Variants in KHDRBS3 observed in about 807,000 individuals in gnomAD.
The protein encoded by KHDRBS3 is KH RNA binding domain containing, signal transduction associated 3.
In KHDRBS3, 23 loss-of-function variants were observed where a neutral mutation model predicts 45.6. The ratio of observed to expected loss-of-function variants is 0.50; its 90% CI spans 0.36 to 0.72. The LOEUF is 0.72. Ranked by LOEUF, KHDRBS3 falls within the 30% of genes least tolerant of loss-of-function variation. The probability of loss-of-function intolerance (pLI) is 0.00; values close to 1 mark genes in which losing one functional copy is unlikely to be tolerated. For missense variants in KHDRBS3, 352 were observed against 424.8 expected (o/e 0.83, Z 1.51); for synonymous variants, 162 against 156.5 (o/e 1.04, Z -0.26).
At chr8:135,459,745 CA>C (rs1422120937) in intron 1 of KHDRBS3, among the ~76,000 whole-genome samples, 1 of 152,164 alleles carries the variant, frequency 6.6e-6, no homozygotes, top group East Asian at 1.9e-4. Flanking sequence ...GCCGTGTTGC[CA>C]TAGTATTGTG....
At chr8:135,462,187 G>A (rs1015674232) in intron 1 of KHDRBS3, among the ~76,000 whole-genome samples, 5 of 151,628 alleles carry the variant, frequency 3.3e-5, no homozygotes, top group African/African-American at 9.7e-5. Flanking sequence ...TCCAAAGGAG[G>A]ATGTGATTAT....
At chr8:135,522,664 G>A (rs1428689277) in intron 2 of KHDRBS3, among the ~76,000 whole-genome samples, 1 of 152,052 alleles carries the variant, frequency 6.6e-6, no homozygotes, top group Non-Finnish European at 1.5e-5. Context: ...ATCATTTTGT[G>A]CAATTTTTCA....
chr8:135,462,839 TGA>T (rs1293664798), intron 1 of KHDRBS3, among the ~76,000 whole-genome samples: 4 of 152,166 alleles, frequency 2.6e-5, no homozygotes, highest in Admixed American at 1.3e-4. Flanking sequence ...TCAGTAACAC[TGA>T]GAGTCTAAAG....
chr8:135,595,536 A>C (rs1394123255), intron 6 of KHDRBS3, among the ~76,000 whole-genome samples: 1 of 152,230 alleles, frequency 6.6e-6, no homozygotes, highest in Non-Finnish European at 1.5e-5. Flanking sequence ...GTAAGTCTAA[A>C]AGCAGATCAG....
At chr8:135,525,279 C>T (rs2130677499) in intron 2 of KHDRBS3, among the ~76,000 whole-genome samples, 1 of 152,214 alleles carries the variant, frequency 6.6e-6, no homozygotes, top group East Asian at 1.9e-4. Flanking sequence ...CTTTTTGTGT[C>T]TAATTTTTGT....
chr8:135,593,855 T>A (rs2130973794), intron 6 of KHDRBS3, among the ~76,000 whole-genome samples: 1 of 152,182 alleles, frequency 6.6e-6, no homozygotes, highest in Non-Finnish European at 1.5e-5. Context: ...GTACAAAGAA[T>A]AGGGAGGAAC....
At chr8:135,479,769 G>T (rs1247969173) in intron 1 of KHDRBS3, among the ~76,000 whole-genome samples, 1 of 152,122 alleles carries the variant, frequency 6.6e-6, no homozygotes, top group Non-Finnish European at 1.5e-5. Flanking sequence ...GAATATTGCG[G>T]GGACACAAAC....
chr8:135,458,084 C>T lies in KHDRBS3; in HGVS notation c.88+130C>T, dbSNP rs527777815. On this transcript the variant is annotated intron_variant, in intron 1 of 8. Transcript: ENST00000355849. ...CGGAGACGGAGGCCCGGGTGGCCCC[C>T]GGGGTCGTTTGCACGGGGACCTGGG... is the stretch of plus-strand genomic sequence containing the variant. The T allele has an allele frequency of 6.0e-5, 84 of 1,391,904 alleles. No homozygotes were observed. The African/African-American group carries it at 8.0e-4, about 13-fold the overall frequency. 86.2% of individuals were successfully genotyped at this position (1,391,904 alleles called of 1,614,324 possible). A position where few individuals can be genotyped will look rare whatever the true frequency, so the allele number is the denominator to read the frequency against.
chr8:135,494,273 ATTTTTTTTTT>A (rs386414089), intron 1 of KHDRBS3, among the ~76,000 whole-genome samples: 1 of 78,622 alleles, frequency 1.3e-5, no homozygotes, highest in Non-Finnish European at 2.2e-5. Flanking sequence ...TGTTTCTCTT[ATTTTTTTTTT>A]TTTTTTTTTT....
At position 135,564,896 on chromosome 8, in the gene KHDRBS3, G is replaced by A. The variant is rs1015311795; in HGVS notation, c.611+7309G>A. ...GCTGCTGGCTGCTCACTGCTCAAAAGCCAGACACAAGACGCAAACACAGGA... is the reference window on the plus strand; with the variant it reads ...GCTGCTGGCTGCTCACTGCTCAAAAACCAGACACAAGACGCAAACACAGGA... On this transcript the variant is annotated intron_variant, in intron 5 of 8. Coordinates refer to ENST00000355849, the MANE Select transcript of KHDRBS3 (RefSeq NM_006558.3). Among the ~76,000 whole-genome samples the A allele has an allele frequency of 5.8e-4, 88 of 152,292 alleles. 1 individual carries two copies. The highest frequency in any genetic ancestry group is 8.5e-4 in the Non-Finnish European group (58 of 68,034).
At chr8:135,650,491 C>G (rs1260373054), downstream of KHDRBS3, among the ~76,000 whole-genome samples, 1 of 152,152 alleles carries the variant, frequency 6.6e-6, no homozygotes. Context: ...TTTATTGAAT[C>G]CTCACAGCCA....
intron 6 of KHDRBS3, among the ~76,000 whole-genome samples, chr8:135,582,516 A>G (rs995162796): frequency 1.3e-5 from 2 of 152,362 alleles, no homozygotes; most frequent in Non-Finnish European, 2.9e-5. Context: ...CTTTTCAGTA[A>G]AGAAAACAAA....
chr8:135,504,323 G>A (rs925984389), intron 1 of KHDRBS3, among the ~76,000 whole-genome samples: 4 of 152,260 alleles, frequency 2.6e-5, no homozygotes, highest in African/African-American at 7.2e-5. Flanking sequence ...AAAATAGCTC[G>A]TTTAAACGGT....
At chr8:135,480,114 CT>C (rs1406195121) in intron 1 of KHDRBS3, among the ~76,000 whole-genome samples, 2 of 115,134 alleles carry the variant, frequency 1.7e-5, no homozygotes, top group African/African-American at 5.5e-5. Flanking sequence ...ATTCTGACCA[CT>C]TTCATGATAA....
chr8:135,507,045 C>T (rs1251249782), intron 1 of KHDRBS3, among the ~76,000 whole-genome samples: 1 of 152,206 alleles, frequency 6.6e-6, no homozygotes, highest in East Asian at 1.9e-4. Flanking sequence ...TATCTGCCCG[C>T]CCCAAATAAA....
chr8:135,622,758 C>T (rs1407987401), intron 7 of KHDRBS3, among the ~76,000 whole-genome samples: 2 of 152,130 alleles, frequency 1.3e-5, no homozygotes, highest in East Asian at 1.9e-4. Flanking sequence ...CTAATGGTAT[C>T]GGAAGAGCCA....
At chr8:135,479,419 G>A (rs1408146055) in intron 1 of KHDRBS3, among the ~76,000 whole-genome samples, 1 of 152,218 alleles carries the variant, frequency 6.6e-6, no homozygotes, top group African/African-American at 2.4e-5. Context: ...AATCAGAAGA[G>A]GAGGGATTGC....
At chr8:135,634,638 CTGTT>C in intron 7 of KHDRBS3, among the ~76,000 whole-genome samples, 1 of 152,240 alleles carries the variant, frequency 6.6e-6, no homozygotes, top group African/African-American at 2.4e-5. Flanking sequence ...CATGTTAAAA[CTGTT>C]TGTAAGGATT....
At chr8:135,519,208 C>G (rs1410861251) in intron 1 of KHDRBS3, among the ~76,000 whole-genome samples, 1 of 152,180 alleles carries the variant, frequency 6.6e-6, no homozygotes, top group Non-Finnish European at 1.5e-5. Context: ...TCCGTCTCCC[C>G]CATCTCATCG....
Sources: allele counts gnomAD v4.1 joint callset (sites outside exome capture counted in the v4.1 genomes callset), GRCh38; gene constraint gnomAD v4.1.1; transcripts MANE v1.5; gene names NCBI Gene and HGNC (gene_info 2026-07-23, HGNC 2026-07-21).